Variants in EPB42 observed in about 807,000 individuals in gnomAD.
The protein encoded by EPB42 is protein 4.2.
In EPB42, 49 loss-of-function variants were observed where a neutral mutation model predicts 76.9. The ratio of observed to expected loss-of-function variants is 0.64; its 90% confidence interval spans 0.51 to 0.81. EPB42 has a LOEUF of 0.81. Among genes scored for constraint, EPB42 ranks in the 30% least tolerant of loss-of-function variants. EPB42 has a pLI of 0.00. For missense variants in EPB42, 731 were observed against 867.6 expected (o/e 0.84, Z 1.98); for synonymous variants, 310 against 338.4 (o/e 0.92, Z 0.92).
At chr15:43,223,046 G>A (rs953910274), upstream of EPB42, among the ~76,000 whole-genome samples, 2 of 152,180 alleles carry the variant, frequency 1.3e-5, no homozygotes, top group Non-Finnish European at 2.9e-5. Flanking sequence ...GATGGGGCAC[G>A]GTGGCTCACA....
intron 8 of EPB42, 89 bp downstream of exon 8, chr15:43,208,141 C>T (rs978890558): frequency 3.4e-6 from 4 of 1,182,310 alleles, no homozygotes; most frequent in African/African-American, 1.5e-5. Flanking sequence ...TGCAGACCCC[C>T]TTGGGACTGC....
At position 43,201,939 on chromosome 15, in the gene EPB42, G is replaced by A. The variant is rs762722708; in HGVS notation, c.1818C>T (p.Ala606=). ...CTAGGGAGTTCTGGAGGCTGACTGA[G>A]GCTGTGAGGGGTTGATACTGCTCTG... The part of the protein sequence containing the change: ...EKAEQYQPLT[A]SVSLQNSLDA... Residue 606 remains alanine (A), a synonymous_variant, in exon 12 of 13, where the codon GCC becomes GCT. Transcript: ENST00000441366. 6.2e-7 allele frequency: 1 copy of A among 1,614,182 alleles called. No individual in the cohort carries two copies. The highest frequency in any genetic ancestry group is 8.5e-7 in the Non-Finnish European group (1 of 1,180,024).
In EPB42 at chr15:43,197,314, T is replaced by A; in HGVS notation, c.2064A>T (p.Glu688Asp). The A allele has an allele frequency of 6.2e-7, 1 of 1,614,178 alleles. No homozygotes were observed. The highest frequency in any genetic ancestry group is 1.3e-5 in the African/African-American group (1 of 75,040). ...TAGAGCTGGAAGTTTAAGCTGATAGTTCAGGGGCTACCACGGTGACGCTTT... is the reference window on the plus strand; with the variant it reads ...TAGAGCTGGAAGTTTAAGCTGATAGATCAGGGGCTACCACGGTGACGCTTT... The part of the protein sequence containing the change: ...NYKSVTVVAP[E>D]LSA Residue 688 changes from glutamate to aspartate, a missense_variant, in exon 13 of 13, where the codon GAA becomes GAT. Physicochemically the swap from Glu to Asp is conservative, Grantham distance 45 (BLOSUM62 2). Transcript: ENST00000441366.
rs745310843 is a variant in EPB42, at chr15:43,215,200, G to T, written c.325C>A (p.Pro109Thr). 1 of 1,614,206 alleles carries T rather than the reference G, an allele frequency of 6.2e-7. No individual in the cohort carries two copies. Among genetic ancestry groups the T allele is most frequent in the South Asian group, 1.1e-5 (1 of 91,088 alleles). ...TAGTGGCCAATGACAGCGTCCGCAG[G>T]TGTGGTCACAGAGATGGTCCAGGAC... The part of the protein sequence containing the change: ...AQSWTISVTT[P>T]ADAVIGHYSL... The change falls in exon 3 of 13, where the codon CCT (proline) becomes ACT (threonine). Residue 109 changes from proline (P) to threonine (T), a missense_variant. By Grantham distance (38) the Pro-to-Thr change is conservative. Transcript: ENST00000441366.
chr15:43,214,962 G>T, intron 3 of EPB42, 133 bp downstream of exon 3: 1 of 801,390 alleles, frequency 1.2e-6, no homozygotes, highest in Non-Finnish European at 2.1e-6. Flanking sequence ...CCCTGGCACA[G>T]ACTGGGTGTT....
chr15:43,200,155 T>C (rs1309820893), intron 12 of EPB42, among the ~76,000 whole-genome samples: 1 of 152,212 alleles, frequency 6.6e-6, no homozygotes, highest in Non-Finnish European at 1.5e-5. Flanking sequence ...GGCCTGCCTA[T>C]AAACCTTCTT....
intron 11 of EPB42, among the ~76,000 whole-genome samples, chr15:43,202,858 T>G (rs1319411996): frequency 1.3e-5 from 2 of 152,202 alleles, no homozygotes; most frequent in Non-Finnish European, 2.9e-5. Flanking sequence ...TAGGCTATTA[T>G]GATCCCTGTA....
chr15:43,223,172 C>G (rs13329192), upstream of EPB42, among the ~76,000 whole-genome samples: 3,002 of 152,218 alleles, frequency 0.02, 47 homozygotes, highest in Middle Eastern at 0.034. Context: ...AAAAAATTAG[C>G]TGAGCGTGGT....
chr15:43,206,168 T>A lies in EPB42; in HGVS notation c.1618+162A>T, dbSNP rs757964881. 43 of 722,180 alleles carry A rather than the reference T, an allele frequency of 6.0e-5. No individual in the cohort carries two copies. The highest frequency in any genetic ancestry group is 8.9e-5 in the Non-Finnish European group (41 of 460,898). 44.7% of individuals were successfully genotyped at this position (722,180 alleles called of 1,614,324 possible). A position where few individuals can be genotyped will look rare whatever the true frequency, so the allele number is the denominator to read the frequency against. ...TTTCCTGCTTCAGGCCCAATAAATA[T>A]GTGTTGAATGAATGAATGAGAGAGA... On this transcript the variant is annotated intron_variant, in intron 10 of 12. Transcript: ENST00000441366. The surrounding 1 kb of genome is among the most constrained non-coding windows in gnomAD (Gnocchi z 4.7).
chr15:43,219,166 A>T (rs920419473), intron 1 of EPB42, among the ~76,000 whole-genome samples: 17 of 152,308 alleles, frequency 1.1e-4, no homozygotes, highest in Middle Eastern at 3.4e-3. Context: ...TACTGAGGTG[A>T]TGTCAGCAAG....
upstream of EPB42, among the ~76,000 whole-genome samples, chr15:43,222,419 C>T (rs1222318843): frequency 6.6e-6 from 1 of 152,160 alleles, no homozygotes; most frequent in African/African-American, 2.4e-5. Context: ...GTCAGTAAAA[C>T]ACTTGGAAAC....
intron 12 of EPB42, 52 bp downstream of exon 12, chr15:43,201,792 T>C (rs2042129684): frequency 6.2e-7 from 1 of 1,613,638 alleles, no homozygotes; most frequent in African/African-American, 1.3e-5. Flanking sequence ...GGGCCCTGCC[T>C]TTCTGACCCA....
chr15:43,209,259 G>C lies in EPB42; in HGVS notation c.832+15C>G. 6.2e-7 allele frequency: 1 copy of C among 1,613,930 alleles called. No individual in the cohort carries two copies. Among genetic ancestry groups the C allele is most frequent in the Non-Finnish European group, 8.5e-7 (1 of 1,179,972 alleles). Reference sequence around the variant, plus strand: ...CCAGGAGGCAGGGCACTCTACAGGAGACAAGGGGACCAACCTGTGCAAGCA... The same window carrying C: ...CCAGGAGGCAGGGCACTCTACAGGACACAAGGGGACCAACCTGTGCAAGCA... On this transcript the variant is annotated intron_variant, in intron 6 of 12. Transcript: ENST00000441366.
At chr15:43,198,079 A>G (rs770083135) in intron 12 of EPB42, among the ~76,000 whole-genome samples, 1 of 152,214 alleles carries the variant, frequency 6.6e-6, no homozygotes, top group Admixed American at 6.5e-5. Context: ...TTTTCTTCCC[A>G]GTCTCAGGTA....
At chr15:43,221,821 TAA>T (rs56939497), upstream of EPB42, among the ~76,000 whole-genome samples, 76 of 107,426 alleles carry the variant, frequency 7.1e-4, no homozygotes, top group East Asian at 0.011. Flanking sequence ...TCTTATTATG[TAA>T]AAAAAAAAAA....
intron 1 of EPB42, among the ~76,000 whole-genome samples, chr15:43,219,149 C>G (rs964910623): frequency 6.6e-6 from 1 of 152,150 alleles, no homozygotes; most frequent in South Asian, 2.1e-4. Flanking sequence ...TGTGGCCAGT[C>G]TGAAGCTACT....
Position 43,206,196 on chromosome 15 carries a change from A to G in EPB42, c.1618+134T>C, listed in dbSNP as rs759692624. 3.6e-5 allele frequency: 33 copies of G among 907,002 alleles called. No homozygotes were observed. In the Middle Eastern group the frequency reaches 2.0e-3, roughly 56 times the overall value. The allele number at this position is 907,002 out of a possible 1,614,324, so 56.2% of individuals were successfully genotyped here. On this transcript the variant is annotated intron_variant, in intron 10 of 12. Coordinates refer to ENST00000441366, the MANE Select transcript of EPB42 (RefSeq NM_001114134.2). The surrounding 1 kb of genome is among the most constrained non-coding windows in gnomAD (Gnocchi z 4.7). ...GTTGAATGAATGAATGAGAGAGAACATGAGAGTGAGCAGCAGGGGCTCAAA... is the reference window on the plus strand; with the variant it reads ...GTTGAATGAATGAATGAGAGAGAACGTGAGAGTGAGCAGCAGGGGCTCAAA...
At chr15:43,223,142 C>A (rs1373565747), upstream of EPB42, among the ~76,000 whole-genome samples, 1 of 152,080 alleles carries the variant, frequency 6.6e-6, no homozygotes, top group African/African-American at 2.4e-5. Context: ...TTGGTGAAAC[C>A]CCATGTCTAC....
At chr15:43,217,199 A>G (rs2042391919) in intron 1 of EPB42, among the ~76,000 whole-genome samples, 1 of 152,110 alleles carries the variant, frequency 6.6e-6, no homozygotes, top group South Asian at 2.1e-4. Flanking sequence ...GCAGTTTCTA[A>G]TGGTTTAGCA....
Sources: allele counts gnomAD v4.1 joint callset (sites outside exome capture counted in the v4.1 genomes callset), GRCh38; gene constraint gnomAD v4.1.1; non-coding constraint Gnocchi (gnomAD v3.1); transcripts MANE v1.5; gene names NCBI Gene and HGNC (gene_info 2026-07-23, HGNC 2026-07-21).